The following EYA4 variants were observed in gnomAD, a reference collection of about 807,000 sequenced individuals.
The protein encoded by EYA4 is EYA transcriptional coactivator and phosphatase 4.
A neutral mutation model predicts 87.9 loss-of-function variants in EYA4; 31 were observed. That is an observed-to-expected ratio of 0.35 (90% confidence interval 0.27 to 0.48). EYA4 has a LOEUF of 0.48. Ranked by LOEUF, EYA4 falls within the 20% of genes least tolerant of loss-of-function variation. The probability of loss-of-function intolerance (pLI) is 0.99; values close to 1 mark genes in which losing one functional copy is unlikely to be tolerated. For synonymous variants in EYA4, 263 were observed against 270.6 expected, an observed-to-expected ratio of 0.97 and a Z score of 0.28; for missense variants, 678 against 761.4, an observed-to-expected ratio of 0.89 and a Z score of 1.29.
At chr6:133,311,769 A>G (rs1268537292) in intron 2 of EYA4, among the ~76,000 whole-genome samples, 1 of 152,160 alleles carries the variant, frequency 6.6e-6, no homozygotes, top group Non-Finnish European at 1.5e-5. Context: ...GAGGACATTC[A>G]TTATCATTCA....
rs72318662 is a variant in EYA4 at position 133,515,622 on chromosome 6, AGTGTGTGT to A, written c.1616+214_1616+221del. 0.18 allele frequency among the ~76,000 whole-genome samples: 26,616 copies of A among 146,648 alleles called. 2,847 individuals are homozygous for A. The highest frequency in any genetic ancestry group is 0.3 in the African/African-American group (11,992 of 40,174). On this transcript the variant is annotated intron_variant, in intron 17 of 19. Coordinates refer to ENST00000355286, the MANE Select transcript of EYA4 (RefSeq NM_004100.5). ...GAGAGAGAGAGAGAGTGTGTGTGTG[AGTGTGTGT>A]GTGTGTGTGTGTGTGTGTGTGTGTG...
intron 3 of EYA4, among the ~76,000 whole-genome samples, chr6:133,412,131 G>T (rs762340618): frequency 3.9e-5 from 6 of 152,178 alleles, no homozygotes; most frequent in Non-Finnish European, 8.8e-5. Context: ...TCTATTAAAA[G>T]TTTAATGCAG....
At position 133,529,804 on chromosome 6, in the gene EYA4, C is replaced by T. The variant is rs1016904535; in HGVS notation, c.*999C>T. On this transcript the variant is annotated 3_prime_UTR_variant, in exon 20 of 20. Coordinates refer to ENST00000355286, the MANE Select transcript of EYA4 (RefSeq NM_004100.5). Reference sequence around the variant, plus strand: ...ATGTATGTAGAAGTCTCAAGTACCCCTTCTACAGTTTTACTGGAGAAAACT... The same window carrying T: ...ATGTATGTAGAAGTCTCAAGTACCCTTTCTACAGTTTTACTGGAGAAAACT... The T allele has an allele frequency of 4.1e-6, 4 of 984,958 alleles. No individual in the cohort carries two copies. The highest frequency in any genetic ancestry group is 1.7e-5 in the African/African-American group (1 of 57,212). 61.0% of individuals were successfully genotyped at this position (984,958 alleles called of 1,614,324 possible).
At chr6:133,241,865 G>A (rs543212951) in intron 1 of EYA4, 116 bp downstream of exon 1, 1 of 152,198 alleles carries the variant, frequency 6.6e-6, no homozygotes, top group African/African-American at 2.4e-5. Flanking sequence ...GCCGAGCGCT[G>A]GGTACTGAGG....
chr6:133,467,394 A>G (rs893168567), intron 10 of EYA4, among the ~76,000 whole-genome samples: 6 of 152,146 alleles, frequency 3.9e-5, no homozygotes, highest in South Asian at 4.1e-4. Context: ...TAAGGATTAA[A>G]TGAGTAAATA....
chr6:133,460,433 CT>C (rs766512815), intron 6 of EYA4, among the ~76,000 whole-genome samples: 27 of 152,104 alleles, frequency 1.8e-4, no homozygotes, highest in Admixed American at 1.4e-3. Context: ...TTAATAGGAC[CT>C]CACTTTCACC....
At chr6:133,505,175 GAT>G (rs1329481148) in intron 13 of EYA4, among the ~76,000 whole-genome samples, 1 of 152,074 alleles carries the variant, frequency 6.6e-6, no homozygotes, top group African/African-American at 2.4e-5. Flanking sequence ...TTCCAACTTT[GAT>G]AATTTTAAAC....
At chr6:133,516,907 C>G (rs1196786921) in intron 17 of EYA4, among the ~76,000 whole-genome samples, 1 of 152,008 alleles carries the variant, frequency 6.6e-6, no homozygotes, top group African/African-American at 2.4e-5. Flanking sequence ...TTTCTTTATC[C>G]AGTCTATCAT....
intron 3 of EYA4, among the ~76,000 whole-genome samples, chr6:133,438,176 G>A (rs376699771): frequency 6.6e-6 from 1 of 152,130 alleles, no homozygotes; most frequent in East Asian, 1.9e-4. Flanking sequence ...AAGACTTTTA[G>A]TTGCAAGAAA....
chr6:133,311,761 G>A (rs958343736), intron 2 of EYA4, among the ~76,000 whole-genome samples: 5 of 152,156 alleles, frequency 3.3e-5, no homozygotes, highest in East Asian at 3.8e-4. Context: ...AGCTCCACGA[G>A]GACATTCATT....
intron 3 of EYA4, among the ~76,000 whole-genome samples, chr6:133,434,223 A>G (rs1378686527): frequency 6.6e-6 from 1 of 152,222 alleles, no homozygotes; most frequent in Non-Finnish European, 1.5e-5. Flanking sequence ...GTTATATGAA[A>G]GAAGGTTTAG....
intron 2 of EYA4, among the ~76,000 whole-genome samples, chr6:133,306,971 A>G (rs1486863621): frequency 6.6e-6 from 1 of 152,274 alleles, no homozygotes; most frequent in African/African-American, 2.4e-5. Context: ...TATTGCACAC[A>G]CAGTAAGTGT....
In EYA4 at chr6:133,495,469, T is replaced by G. The variant is rs376380407; in HGVS notation, c.1192-10637T>G. Among the ~76,000 whole-genome samples, 72 of 41,570 alleles carry G rather than the reference T, an allele frequency of 1.7e-3. 1 individual carries two copies. The East Asian group carries it at 0.034, about 20-fold the overall frequency. 27.3% of individuals were successfully genotyped at this position (41,570 alleles called of 152,430 possible). A position where few individuals can be genotyped will look rare whatever the true frequency, so the allele number is the denominator to read the frequency against. ...AGAAATATATTCATTTATTTATAAA[T>G]AAATATAAAGAAATATAGAAGAGAG... On this transcript the variant is annotated intron_variant, in intron 13 of 19. Coordinates refer to ENST00000355286, the MANE Select transcript of EYA4 (RefSeq NM_004100.5).
chr6:133,371,984 C>T (rs931509467), intron 2 of EYA4, among the ~76,000 whole-genome samples: 1 of 152,092 alleles, frequency 6.6e-6, no homozygotes, highest in African/African-American at 2.4e-5. Context: ...TTCCTATACT[C>T]TTTAACCCTT....
intron 2 of EYA4, among the ~76,000 whole-genome samples, chr6:133,341,128 G>C (rs1782747330): frequency 6.6e-6 from 1 of 152,110 alleles, no homozygotes; most frequent in Non-Finnish European, 1.5e-5. Context: ...TTTAAGAGAA[G>C]ATCTTCCAAC....
intron 3 of EYA4, among the ~76,000 whole-genome samples, chr6:133,427,389 TAACTC>T (rs1349368513): frequency 6.6e-6 from 1 of 152,198 alleles, no homozygotes; most frequent in Non-Finnish European, 1.5e-5. Context: ...AAATTGAAAT[TAACTC>T]AACATAGTTC....
chr6:133,245,533 A>G lies in EYA4; in HGVS notation c.-66+3784A>G, dbSNP rs537662069. On this transcript the variant is annotated intron_variant, in intron 1 of 19. Transcript: ENST00000355286. ...TTACAATGGTTACTAGGTGAAGGAA[A>G]TCAACACCAGGGGAATGGGGTGGCA... is the stretch of plus-strand genomic sequence containing the variant. Among the ~76,000 whole-genome samples, 3 of 152,324 alleles carry G rather than the reference A, an allele frequency of 2.0e-5. No individual in the cohort carries two copies. In the East Asian group the frequency reaches 5.8e-4, roughly 29 times the overall value.
intron 11 of EYA4, among the ~76,000 whole-genome samples, chr6:133,477,651 G>A (rs1448435817): frequency 6.6e-6 from 1 of 152,152 alleles, no homozygotes; most frequent in Admixed American, 6.6e-5. Flanking sequence ...GCCTGAGAAA[G>A]TATAGCCAAA....
Position 133,530,246 on chromosome 6 carries a change from T to C in EYA4, c.*1441T>C. The C allele has an allele frequency of 1.0e-6, 1 of 985,190 alleles. No individual in the cohort carries two copies. Among genetic ancestry groups the C allele is most frequent in the Non-Finnish European group, 1.2e-6 (1 of 829,696 alleles). 61.0% of individuals were successfully genotyped at this position (985,190 alleles called of 1,614,324 possible). A position where few individuals can be genotyped will look rare whatever the true frequency, so the allele number is the denominator to read the frequency against. On this transcript the variant is annotated 3_prime_UTR_variant, in exon 20 of 20. Transcript: ENST00000355286. Reference sequence around the variant, plus strand: ...AATGCAGGTTCTCCTCGTAACAGACTTGCATATGTTTGTTAGTTTCTGCCT... The same window carrying C: ...AATGCAGGTTCTCCTCGTAACAGACCTGCATATGTTTGTTAGTTTCTGCCT...
Sources: gnomAD v4.1 joint callset for allele counts (sites outside exome capture counted in the v4.1 genomes callset) on GRCh38, gnomAD v4.1.1 for gene constraint, MANE v1.5 for transcripts, NCBI Gene and HGNC (gene_info 2026-07-23, HGNC 2026-07-21) for gene names.